Variants in TBX15 observed in about 807,000 individuals in gnomAD.
The protein encoded by TBX15 is T-box transcription factor TBX15.
A neutral mutation model predicts 53.9 loss-of-function variants in TBX15; 18 were observed. The observed-to-expected ratio is 0.33, with a 90% CI of 0.23 to 0.49. The LOEUF (loss-of-function observed/expected upper bound fraction) is 0.49. Among genes scored for constraint, TBX15 ranks in the 20% least tolerant of loss-of-function variants. TBX15 has a pLI of 0.98. For synonymous variants in TBX15, 295 were observed against 278.0 expected (o/e 1.06, Z -0.61); for missense variants, 692 against 749.5 (o/e 0.92, Z 0.90).
chr1:118,961,512 A>C (rs1256951599), intron 1 of TBX15, among the ~76,000 whole-genome samples: 2 of 152,208 alleles, frequency 1.3e-5, no homozygotes, highest in Non-Finnish European at 2.9e-5. Context: ...TGCCCCATTT[A>C]CTATGTAAAA....
At chr1:118,890,003 TC>T (rs1654082482) in intron 7 of TBX15, among the ~76,000 whole-genome samples, 1 of 152,132 alleles carries the variant, frequency 6.6e-6, no homozygotes, top group Non-Finnish European at 1.5e-5. Flanking sequence ...GAACTTGGGT[TC>T]TAATGAGAAT....
intron 1 of TBX15, among the ~76,000 whole-genome samples, chr1:118,952,329 G>T (rs1165586579): frequency 6.6e-6 from 1 of 152,134 alleles, no homozygotes; most frequent in Non-Finnish European, 1.5e-5. Flanking sequence ...AAAATCGGAA[G>T]TTATATCGAG....
chr1:118,925,408 T>G (rs1251065490), intron 3 of TBX15, among the ~76,000 whole-genome samples: 1 of 152,198 alleles, frequency 6.6e-6, no homozygotes, highest in Non-Finnish European at 1.5e-5. Flanking sequence ...TGCAACCATT[T>G]CAGAAGCACC....
At chr1:118,931,452 A>G (rs1290022144) in intron 2 of TBX15, among the ~76,000 whole-genome samples, 167 bp downstream of exon 2, 2 of 152,260 alleles carry the variant, frequency 1.3e-5, no homozygotes, top group Non-Finnish European at 2.9e-5. Flanking sequence ...TACAATCACA[A>G]CAAACACAAC....
At chr1:118,962,888 G>T (rs966233867) in intron 1 of TBX15, among the ~76,000 whole-genome samples, 2 of 152,186 alleles carry the variant, frequency 1.3e-5, no homozygotes, top group Admixed American at 1.3e-4. Flanking sequence ...TGGTAGGAGA[G>T]ATCTCAAAAG....
intron 5 of TBX15, among the ~76,000 whole-genome samples, chr1:118,915,802 T>C (rs1308991690): frequency 6.6e-6 from 1 of 152,212 alleles, no homozygotes; most frequent in Non-Finnish European, 1.5e-5. Context: ...TTCTGACACA[T>C]GACTGTGATA....
intron 6 of TBX15, among the ~76,000 whole-genome samples, chr1:118,910,143 G>C (rs1654983262): frequency 6.6e-6 from 1 of 152,132 alleles, no homozygotes; most frequent in Non-Finnish European, 1.5e-5. Context: ...GAGGGATTGA[G>C]ATTGACAAAC....
chr1:118,939,232 C>A (rs1433828236), intron 1 of TBX15, among the ~76,000 whole-genome samples: 1 of 151,390 alleles, frequency 6.6e-6, no homozygotes, highest in Admixed American at 6.6e-5. Context: ...CATGGCAAAG[C>A]CCTATCCCTA....
chr1:118,914,233 T>C (rs1248702631), intron 5 of TBX15, 54 bp from the exon 6 acceptor site: 4 of 1,492,700 alleles, frequency 2.7e-6, no homozygotes, highest in Non-Finnish European at 3.7e-6. Flanking sequence ...ATTTCTTTCT[T>C]AGTACTCCTA....
chr1:118,929,593 C>A (rs1313378127), intron 2 of TBX15, among the ~76,000 whole-genome samples: 1 of 152,102 alleles, frequency 6.6e-6, no homozygotes, highest in Non-Finnish European at 1.5e-5. Context: ...TACTAAAGAA[C>A]AAACTATGTG....
upstream of TBX15, chr1:118,989,225 T>C (rs1420230667): frequency 2.0e-5 from 3 of 152,328 alleles, no homozygotes; most frequent in African/African-American, 7.2e-5. Flanking sequence ...CTCAAGACCA[T>C]GGCTTTCCCG....
chr1:118,982,815 C>G (rs1657691783), intron 1 of TBX15, among the ~76,000 whole-genome samples: 1 of 152,230 alleles, frequency 6.6e-6, no homozygotes, highest in South Asian at 2.1e-4. Flanking sequence ...CTCCCTTCCT[C>G]CCTGCATGAA....
intron 1 of TBX15, among the ~76,000 whole-genome samples, chr1:118,960,788 G>C (rs1045136614): frequency 6.6e-5 from 10 of 152,178 alleles, no homozygotes; most frequent in Non-Finnish European, 1.0e-4. Context: ...ATCATCCCCA[G>C]TGTTTGCTAC....
chr1:118,978,815 T>C (rs1263910802), intron 1 of TBX15, among the ~76,000 whole-genome samples: 1 of 152,198 alleles, frequency 6.6e-6, no homozygotes, highest in Admixed American at 6.5e-5. Context: ...ATAGTACGTA[T>C]AGCCCCTCCC....
At chr1:118,929,485 T>A (rs1439159648) in intron 2 of TBX15, among the ~76,000 whole-genome samples, 1 of 152,170 alleles carries the variant, frequency 6.6e-6, no homozygotes, top group Non-Finnish European at 1.5e-5. Context: ...TGTTTCAGAA[T>A]TACCTGAGAA....
intron 1 of TBX15, among the ~76,000 whole-genome samples, chr1:118,982,290 C>G (rs924108718): frequency 6.6e-6 from 1 of 152,182 alleles, no homozygotes; most frequent in Non-Finnish European, 1.5e-5. Flanking sequence ...GTTTTTCTCC[C>G]GGGTGTGAGA....
chr1:118,935,655 AT>A (rs1429763347), intron 1 of TBX15, among the ~76,000 whole-genome samples: 1 of 152,154 alleles, frequency 6.6e-6, no homozygotes, highest in Non-Finnish European at 1.5e-5. Context: ...CCCCAAAAAA[AT>A]CCTTTAAAAA....
intron 7 of TBX15, among the ~76,000 whole-genome samples, chr1:118,895,861 G>C (rs1378584128): frequency 3.3e-5 from 5 of 152,154 alleles, no homozygotes; most frequent in Non-Finnish European, 5.9e-5. Flanking sequence ...GCTGTAGTAA[G>C]AAAGAATAAG....
At chr1:118,909,814 C>G (rs1654970691) in intron 6 of TBX15, among the ~76,000 whole-genome samples, 1 of 152,160 alleles carries the variant, frequency 6.6e-6, no homozygotes, top group South Asian at 2.1e-4. Flanking sequence ...AACTCCTGAC[C>G]TCGTGATCCA....
Sources: allele counts gnomAD v4.1 joint callset (sites outside exome capture counted in the v4.1 genomes callset), GRCh38; gene constraint gnomAD v4.1.1; transcripts MANE v1.5; gene names NCBI Gene and HGNC (gene_info 2026-07-23, HGNC 2026-07-21).